RSPO2: variants seen among roughly 807,000 people sequenced by gnomAD.
The protein encoded by RSPO2 is R-spondin 2.
In RSPO2, 14 loss-of-function variants were observed where a neutral mutation model predicts 30.9. That is an observed-to-expected ratio of 0.45 (90% CI 0.30 to 0.71). RSPO2 has a LOEUF of 0.71. Among genes scored for constraint, RSPO2 ranks in the 30% least tolerant of loss-of-function variants. The pLI, the probability that RSPO2 is intolerant of heterozygous loss-of-function variation, is 0.08. For synonymous variants in RSPO2, 107 were observed against 96.4 expected (o/e 1.11, Z -0.64); for missense variants, 264 against 301.9 (o/e 0.87, Z 0.93).
chr8:107,997,637 G>A (rs1035918171), intron 2 of RSPO2, among the ~76,000 whole-genome samples: 1 of 152,172 alleles, frequency 6.6e-6, no homozygotes, highest in Non-Finnish European at 1.5e-5. Context: ...GAAAAACCAT[G>A]AGACTGAAAC....
chr8:107,912,723 T>C (rs958767496), intron 5 of RSPO2, among the ~76,000 whole-genome samples: 1 of 152,164 alleles, frequency 6.6e-6, no homozygotes, highest in Non-Finnish European at 1.5e-5. Context: ...AACTAAGGGA[T>C]GCAGAGTTGG....
At chr8:108,008,771 A>C (rs957674711) in intron 2 of RSPO2, among the ~76,000 whole-genome samples, 1 of 148,016 alleles carries the variant, frequency 6.8e-6, no homozygotes, top group Non-Finnish European at 1.5e-5. Flanking sequence ...AGGCTATCTA[A>C]AAAGGTCATA....
rs375856739 is a variant in RSPO2 at position 108,082,654 on chromosome 8, G to T, written c.-16C>A. 7.5e-6 allele frequency: 12 copies of T among 1,603,710 alleles called. No homozygotes were observed. The South Asian group carries it at 1.1e-4, about 15-fold the overall frequency. On this transcript the variant is annotated 5_prime_UTR_variant, in exon 2 of 6. Transcript: ENST00000276659. ...GAAACTGCATCTGGGCGGTCGGGCG[G>T]GGGAGAGACGCCTCTCAAAGTCTAG...
intron 2 of RSPO2, among the ~76,000 whole-genome samples, chr8:108,063,550 G>T (rs551240974): frequency 2.6e-5 from 4 of 151,870 alleles, no homozygotes; most frequent in African/African-American, 7.3e-5. Context: ...ACAAATGGAA[G>T]AATATTCCAT....
intron 3 of RSPO2, among the ~76,000 whole-genome samples, chr8:107,968,248 A>C (rs1813878681): frequency 1.3e-5 from 2 of 152,274 alleles, no homozygotes; most frequent in South Asian, 4.1e-4. Flanking sequence ...TATACACACA[A>C]TAGAATGTTA....
At chr8:107,923,681 A>G (rs1051637314) in intron 5 of RSPO2, among the ~76,000 whole-genome samples, 3 of 152,200 alleles carry the variant, frequency 2.0e-5, no homozygotes, top group African/African-American at 7.2e-5. Context: ...ATGCCCATCA[A>G]TGATAGACTG....
At chr8:108,067,900 C>T (rs887224844) in intron 2 of RSPO2, among the ~76,000 whole-genome samples, 2 of 152,110 alleles carry the variant, frequency 1.3e-5, no homozygotes, top group African/African-American at 2.4e-5. Flanking sequence ...CCAGCCCTGT[C>T]TCTACTAAAA....
chr8:107,954,361 A>G (rs920887920), intron 5 of RSPO2, among the ~76,000 whole-genome samples: 1 of 152,238 alleles, frequency 6.6e-6, no homozygotes, highest in African/African-American at 2.4e-5. Context: ...TCCCTAATGT[A>G]CAACATGGCC....
At chr8:107,940,315 TA>T (rs1009853945) in intron 5 of RSPO2, among the ~76,000 whole-genome samples, 16 of 65,618 alleles carry the variant, frequency 2.4e-4, no homozygotes, top group Non-Finnish European at 4.7e-4. Context: ...ATGTGTGTTT[TA>T]TTAACAGACA....
intron 2 of RSPO2, among the ~76,000 whole-genome samples, chr8:108,012,715 AC>A (rs1466042684): frequency 7.9e-5 from 12 of 152,218 alleles, no homozygotes; most frequent in Non-Finnish European, 5.9e-5. Context: ...AGTATGAGAA[AC>A]TACTAGTTCA....
At chr8:107,937,869 T>TC (rs1300836800) in intron 5 of RSPO2, among the ~76,000 whole-genome samples, 1 of 152,204 alleles carries the variant, frequency 6.6e-6, no homozygotes, top group Admixed American at 6.6e-5. Flanking sequence ...CAGGTAGTGC[T>TC]CCCCATCAAT....
intron 2 of RSPO2, among the ~76,000 whole-genome samples, chr8:108,070,931 G>A (rs1273747120): frequency 1.3e-5 from 2 of 152,048 alleles, no homozygotes; most frequent in Non-Finnish European, 2.9e-5. Context: ...AATCACATTC[G>A]TTTTTCACAT....
At chr8:107,973,918 T>G (rs1814111969) in intron 3 of RSPO2, among the ~76,000 whole-genome samples, 1 of 152,232 alleles carries the variant, frequency 6.6e-6, no homozygotes, top group African/African-American at 2.4e-5. Context: ...GTCCTCAATC[T>G]TGGCAAAATA....
rs192430515 is a variant in RSPO2, at chr8:108,051,336, A to G, written c.94+31209T>C. On this transcript the variant is annotated intron_variant, in intron 2 of 5. Transcript: ENST00000276659. Reference sequence around the variant, plus strand: ...GGGAGAGGAAGGGGTAGCAACCAAGACTCCAAATTTGGCATAGTGAAGGTT... The same window carrying G: ...GGGAGAGGAAGGGGTAGCAACCAAGGCTCCAAATTTGGCATAGTGAAGGTT... 2.2e-3 allele frequency among the ~76,000 whole-genome samples: 330 copies of G among 152,128 alleles called. 2 individuals carry two copies. The highest frequency in any genetic ancestry group is 7.3e-3 in the African/African-American group (302 of 41,500).
intron 5 of RSPO2, among the ~76,000 whole-genome samples, chr8:107,906,584 T>C (rs1047015500): frequency 2.0e-5 from 3 of 151,966 alleles, no homozygotes; most frequent in Middle Eastern, 3.4e-3. Flanking sequence ...ATCTGAAATA[T>C]AAAAGCTTAA....
chr8:108,055,386 G>A (rs2130688252), intron 2 of RSPO2, among the ~76,000 whole-genome samples: 1 of 152,184 alleles, frequency 6.6e-6, no homozygotes, highest in South Asian at 2.1e-4. Flanking sequence ...CGAGGAGTTT[G>A]TTTTATTTGA....
intron 5 of RSPO2, among the ~76,000 whole-genome samples, chr8:107,914,252 C>A (rs1341566973): frequency 6.6e-6 from 1 of 152,016 alleles, no homozygotes; most frequent in Non-Finnish European, 1.5e-5. Flanking sequence ...GAAGTCTATG[C>A]CAGTAACAGT....
chr8:108,018,090 G>C (rs779138125), intron 2 of RSPO2, among the ~76,000 whole-genome samples: 64 of 152,066 alleles, frequency 4.2e-4, no homozygotes, highest in Non-Finnish European at 8.8e-4. Flanking sequence ...TTTACTTAAT[G>C]GCAGATAAAA....
intron 2 of RSPO2, among the ~76,000 whole-genome samples, chr8:108,050,489 A>T (rs371434801): frequency 6.6e-6 from 1 of 152,128 alleles, no homozygotes; most frequent in Non-Finnish European, 1.5e-5. Flanking sequence ...AAATATATTA[A>T]TTTTTTTATT....
Sources: allele counts gnomAD v4.1 joint callset (sites outside exome capture counted in the v4.1 genomes callset), GRCh38; gene constraint gnomAD v4.1.1; transcripts MANE v1.5; gene names NCBI Gene and HGNC (gene_info 2026-07-23, HGNC 2026-07-21).